DEXI: variants seen among roughly 807,000 people sequenced by gnomAD.
DEXI encodes Dexi homolog.
A neutral mutation model predicts 2.5 loss-of-function variants in DEXI; 2 were observed. The ratio of observed to expected loss-of-function variants is 0.81; its 90% CI spans 0.33 to 2.55. The LOEUF is 2.55. DEXI is among the 30% of genes most tolerant of loss of function. The pLI is 0.11. For synonymous variants in DEXI, 71 were observed against 68.7 expected, an observed-to-expected ratio of 1.03 and a Z score of -0.17; for missense variants, 108 against 130.3, an observed-to-expected ratio of 0.83 and a Z score of 0.83.
rs2041104678 is a variant in DEXI, at chr16:10,941,707, C to T, written c.*11G>A. ...GATCGTGTAGGGAAGAGGGGAACAG[C>T]AGTCGAGACCCTACTCCAAGTACGC... is the stretch of plus-strand genomic sequence containing the variant. On this transcript the variant is annotated 3_prime_UTR_variant, in exon 1 of 2. Coordinates refer to ENST00000331808, the MANE Select transcript of DEXI (RefSeq NM_014015.4). This position sits in a 1 kb window ranked among gnomAD's most constrained non-coding sequence, Gnocchi z 6.4. 3 of 1,596,624 alleles carry T rather than the reference C, an allele frequency of 1.9e-6. No individual in the cohort carries two copies. The highest frequency in any genetic ancestry group is 2.6e-6 in the Non-Finnish European group (3 of 1,170,488).
Position 10,941,900 on chromosome 16 carries a change from C to T in DEXI, c.106G>A (p.Val36Ile). ...PSMFYVGLFF[V>I]NVLILYYAFL... ...GCGTAGTACAGGATCAGCACATTGA[C>T]GAAGAACAGGCCCACGTAGAACATA... is the stretch of plus-strand genomic sequence containing the variant. Residue 36 changes from valine (V) to isoleucine (I), a missense_variant, in exon 1 of 2, where the codon GTC becomes ATC. Physicochemically the swap from Val to Ile is conservative, Grantham distance 29 (BLOSUM62 3). Transcript: ENST00000331808. This position sits in a 1 kb window ranked among gnomAD's most constrained non-coding sequence, Gnocchi z 6.4. The T allele has an allele frequency of 6.2e-7, 1 of 1,609,284 alleles. No homozygotes were observed.
At chr16:10,936,121 A>T (rs148069744) in intron 1 of DEXI, 1,843 of 152,174 alleles carry the variant, frequency 0.012, 18 homozygotes, top group Non-Finnish European at 0.02. Flanking sequence ...CTTCCGAGTA[A>T]CTGGGACTAT....
In DEXI at chr16:10,941,221, T is replaced by A. The variant is rs1803802752; in HGVS notation, c.*149+348A>T. On this transcript the variant is annotated intron_variant, in intron 1 of 1. Transcript: ENST00000331808. The surrounding 1 kb of genome is among the most constrained non-coding windows in gnomAD (Gnocchi z 6.4). ...AATCCCCCAAAAGCCAAGGTCATCATCAAGCCAGGATGAGGACTGGAGGAG... is the reference window on the plus strand; with the variant it reads ...AATCCCCCAAAAGCCAAGGTCATCAACAAGCCAGGATGAGGACTGGAGGAG... 6.4e-6 allele frequency: 1 copy of A among 155,782 alleles called. No individual in the cohort carries two copies. Among genetic ancestry groups the A allele is most frequent in the African/African-American group, 2.4e-5 (1 of 41,482 alleles). The allele number at this position is 155,782 out of a possible 1,614,324, so 9.6% of individuals were successfully genotyped here. A position where few individuals can be genotyped will look rare whatever the true frequency, so the allele number is the denominator to read the frequency against.
chr16:10,929,674 G>T lies in DEXI; in HGVS notation c.*150-115C>A. 3.8e-6 allele frequency: 2 copies of T among 531,394 alleles called. No homozygotes were observed. The highest frequency in any genetic ancestry group is 4.8e-6 in the Non-Finnish European group (2 of 414,970). The allele number at this position is 531,394 out of a possible 1,614,324, so 32.9% of individuals were successfully genotyped here. Reference sequence around the variant, plus strand: ...GGGAGGCTTGGGGTGGGGCAGGGAAGTCTTCCTCCATCCCTCAAATTTAGG... The same window carrying T: ...GGGAGGCTTGGGGTGGGGCAGGGAATTCTTCCTCCATCCCTCAAATTTAGG... On this transcript the variant is annotated intron_variant, in intron 1 of 1. Coordinates refer to ENST00000331808, the MANE Select transcript of DEXI (RefSeq NM_014015.4). This position sits in a 1 kb window ranked among gnomAD's most constrained non-coding sequence, Gnocchi z 4.3.
At chr16:10,933,142 T>C (rs1213713604) in intron 1 of DEXI, 1 of 152,264 alleles carries the variant, frequency 6.6e-6, no homozygotes, top group Non-Finnish European at 1.5e-5. Context: ...ACTAGATTTT[T>C]TTCCCCCTTT....
rs1238225115 is a variant in DEXI at position 10,939,123 on chromosome 16, C to A, written c.*149+2446G>T. ...TGCAAAGGGCCTAGACACAGGAGTG[C>A]GATACAATCAATGCTCAGTACAGAT... is the stretch of plus-strand genomic sequence containing the variant. On this transcript the variant is annotated intron_variant, in intron 1 of 1. Transcript: ENST00000331808. This position sits in a 1 kb window ranked among gnomAD's most constrained non-coding sequence, Gnocchi z 4.9. The A allele has an allele frequency of 6.6e-6, 1 of 152,118 alleles. No individual in the cohort carries two copies. The highest frequency in any genetic ancestry group is 1.5e-5 in the Non-Finnish European group (1 of 68,030). The allele number at this position is 152,118 out of a possible 1,614,324, so 9.4% of individuals were successfully genotyped here. A position where few individuals can be genotyped will look rare whatever the true frequency, so the allele number is the denominator to read the frequency against.
At position 10,934,304 on chromosome 16, in the gene DEXI, A is replaced by T. The variant is rs1244987755; in HGVS notation, c.*150-4745T>A. 6.6e-6 allele frequency: 1 copy of T among 152,258 alleles called. No homozygotes were observed. 9.4% of individuals were successfully genotyped at this position (152,258 alleles called of 1,614,324 possible). A position where few individuals can be genotyped will look rare whatever the true frequency, so the allele number is the denominator to read the frequency against. ...TTAATAAGATCATTTATGTCACCAT[A>T]TAACACCCAAAGCAGTAGAATTTGT... On this transcript the variant is annotated intron_variant, in intron 1 of 1. Coordinates refer to ENST00000331808, the MANE Select transcript of DEXI (RefSeq NM_014015.4). This position sits in a 1 kb window ranked among gnomAD's most constrained non-coding sequence, Gnocchi z 4.2.
intron 1 of DEXI, chr16:10,935,682 C>G (rs965163648): frequency 1.3e-5 from 2 of 152,200 alleles, no homozygotes; most frequent in African/African-American, 4.8e-5. Context: ...AGAAAGGGGA[C>G]AGATGGCATG....
chr16:10,933,994 G>A (rs2040912001), intron 1 of DEXI: 1 of 152,218 alleles, frequency 6.6e-6, no homozygotes, highest in East Asian at 1.9e-4. Context: ...TCTCTGCACA[G>A]GTCCATGTCC....
Position 10,938,883 on chromosome 16 carries a change from T to C in DEXI, c.*149+2686A>G, listed in dbSNP as rs1379982962. 1 of 152,250 alleles carries C rather than the reference T, an allele frequency of 6.6e-6. No homozygotes were observed. Among genetic ancestry groups the C allele is most frequent in the Non-Finnish European group, 1.5e-5 (1 of 68,044 alleles). The allele number at this position is 152,250 out of a possible 1,614,324, so 9.4% of individuals were successfully genotyped here. ...GTCGAAGCATTTGGGATTCAGTTTTTAGTTCAGAATATGCCAATGTTTTCA... is the reference window on the plus strand; with the variant it reads ...GTCGAAGCATTTGGGATTCAGTTTTCAGTTCAGAATATGCCAATGTTTTCA... On this transcript the variant is annotated intron_variant, in intron 1 of 1. Transcript: ENST00000331808. This position sits in a 1 kb window ranked among gnomAD's most constrained non-coding sequence, Gnocchi z 4.9.
chr16:10,942,378 C>A lies in DEXI; in HGVS notation c.-373G>T. On this transcript the variant is annotated 5_prime_UTR_variant, in exon 1 of 2. Coordinates refer to ENST00000331808, the MANE Select transcript of DEXI (RefSeq NM_014015.4). The surrounding 1 kb of genome is among the most constrained non-coding windows in gnomAD (Gnocchi z 5.0). The stretch of plus-strand genomic sequence containing the variant: ...CCGGTCCCGGCAGCCTTCTCTCCCG[C>A]CCCGCCCCGCAGGTCCTCGCGCACC... 1 of 175,766 alleles carries A rather than the reference C, an allele frequency of 5.7e-6. No individual in the cohort carries two copies. The highest frequency in any genetic ancestry group is 1.2e-5 in the Non-Finnish European group (1 of 82,884). 10.9% of individuals were successfully genotyped at this position (175,766 alleles called of 1,614,324 possible). A position where few individuals can be genotyped will look rare whatever the true frequency, so the allele number is the denominator to read the frequency against.
In DEXI at chr16:10,934,272, C is replaced by G. The variant is rs2040927745; in HGVS notation, c.*150-4713G>C. ...TTAAACCAATGTACTTTTTAAACTCCAATTTTTTAATAAGATCATTTATGT... is the reference window on the plus strand; with the variant it reads ...TTAAACCAATGTACTTTTTAAACTCGAATTTTTTAATAAGATCATTTATGT... On this transcript the variant is annotated intron_variant, in intron 1 of 1. Coordinates refer to ENST00000331808, the MANE Select transcript of DEXI (RefSeq NM_014015.4). The surrounding 1 kb of genome is among the most constrained non-coding windows in gnomAD (Gnocchi z 4.2). The G allele has an allele frequency of 6.6e-6, 1 of 152,150 alleles. No individual in the cohort carries two copies. The highest frequency in any genetic ancestry group is 1.5e-5 in the Non-Finnish European group (1 of 68,042). 9.4% of individuals were successfully genotyped at this position (152,150 alleles called of 1,614,324 possible).
rs1175569503 is a variant in DEXI, at chr16:10,929,297, T to C, written c.*412A>G. ...CCGAAGGTGAAGTGGGGGAAGCAGG[T>C]GCGCTCCGGGATGAAGTGCAGGGAG... On this transcript the variant is annotated 3_prime_UTR_variant, in exon 2 of 2. Coordinates refer to ENST00000331808, the MANE Select transcript of DEXI (RefSeq NM_014015.4). This position sits in a 1 kb window ranked among gnomAD's most constrained non-coding sequence, Gnocchi z 4.3. 2.0e-6 allele frequency: 2 copies of C among 985,938 alleles called. No homozygotes were observed. The highest frequency in any genetic ancestry group is 3.5e-5 in the African/African-American group (2 of 57,364). The allele number at this position is 985,938 out of a possible 1,614,324, so 61.1% of individuals were successfully genotyped here. A position where few individuals can be genotyped will look rare whatever the true frequency, so the allele number is the denominator to read the frequency against.
rs775456380 is a variant in DEXI at position 10,942,015 on chromosome 16, G to T, written c.-10C>A. 11 of 1,426,200 alleles carry T rather than the reference G, an allele frequency of 7.7e-6. No homozygotes were observed. Among genetic ancestry groups the T allele is most frequent in the Non-Finnish European group, 1.0e-5 (11 of 1,089,402 alleles). The allele number at this position is 1,426,200 out of a possible 1,614,324, so 88.3% of individuals were successfully genotyped here. Reference sequence around the variant, plus strand: ...CCCGGGCGCCGAGCATGCAGCGGGTGGCAAGGGCGGCGGCCCGGCGATCCC... The same window carrying T: ...CCCGGGCGCCGAGCATGCAGCGGGTTGCAAGGGCGGCGGCCCGGCGATCCC... On this transcript the variant is annotated 5_prime_UTR_variant, in exon 1 of 2. Coordinates refer to ENST00000331808, the MANE Select transcript of DEXI (RefSeq NM_014015.4). The surrounding 1 kb of genome is among the most constrained non-coding windows in gnomAD (Gnocchi z 5.0).
chr16:10,941,697 A>C lies in DEXI; in HGVS notation c.*21T>G. 12 of 1,587,830 alleles carry C rather than the reference A, an allele frequency of 7.6e-6. No homozygotes were observed. Among genetic ancestry groups the C allele is most frequent in the Non-Finnish European group, 1.0e-5 (12 of 1,166,234 alleles). Reference sequence around the variant, plus strand: ...ATGGGTTGCGGATCGTGTAGGGAAGAGGGGAACAGCAGTCGAGACCCTACT... The same window carrying C: ...ATGGGTTGCGGATCGTGTAGGGAAGCGGGGAACAGCAGTCGAGACCCTACT... On this transcript the variant is annotated 3_prime_UTR_variant, in exon 1 of 2. Coordinates refer to ENST00000331808, the MANE Select transcript of DEXI (RefSeq NM_014015.4). The surrounding 1 kb of genome is among the most constrained non-coding windows in gnomAD (Gnocchi z 6.4).
At chr16:10,935,816 C>A (rs899141037) in intron 1 of DEXI, 1 of 152,140 alleles carries the variant, frequency 6.6e-6, no homozygotes, top group Non-Finnish European at 1.5e-5. Context: ...AGACAGTTTA[C>A]AAAACACCAG....
chr16:10,934,013 A>G lies in DEXI; in HGVS notation c.*150-4454T>C, dbSNP rs1398009595. ...TGCACAGGTCCATGTCCCTGAGGAA[A>G]GCCAACGTCACAGAGAAATGATGAC... On this transcript the variant is annotated intron_variant, in intron 1 of 1. Transcript: ENST00000331808. The surrounding 1 kb of genome is among the most constrained non-coding windows in gnomAD (Gnocchi z 4.2). The G allele has an allele frequency of 6.6e-6, 1 of 152,226 alleles. No individual in the cohort carries two copies. Among genetic ancestry groups the G allele is most frequent in the Non-Finnish European group, 1.5e-5 (1 of 68,050 alleles). 9.4% of individuals were successfully genotyped at this position (152,226 alleles called of 1,614,324 possible). A position where few individuals can be genotyped will look rare whatever the true frequency, so the allele number is the denominator to read the frequency against.
chr16:10,929,704 CA>C lies in DEXI; in HGVS notation c.*150-146del, dbSNP rs2040694922. On this transcript the variant is annotated intron_variant, in intron 1 of 1. Transcript: ENST00000331808. The surrounding 1 kb of genome is among the most constrained non-coding windows in gnomAD (Gnocchi z 4.3). ...CCTCCATCCCTCAAATTTAGGGAAC[CA>C]CTGGGAGCCCCAGACTCAGGCTGAA... 4.0e-6 allele frequency: 1 copy of C among 252,220 alleles called. No individual in the cohort carries two copies. Among genetic ancestry groups the C allele is most frequent in the East Asian group, 1.8e-4 (1 of 5,554 alleles). The allele number at this position is 252,220 out of a possible 1,614,324, so 15.6% of individuals were successfully genotyped here.
Position 10,942,249 on chromosome 16 carries a change from C to G in DEXI, c.-244G>C, listed in dbSNP as rs1287857697. The G allele has an allele frequency of 2.7e-6, 1 of 367,876 alleles. No individual in the cohort carries two copies. The highest frequency in any genetic ancestry group is 4.9e-6 in the Non-Finnish European group (1 of 204,852). The allele number at this position is 367,876 out of a possible 1,614,324, so 22.8% of individuals were successfully genotyped here. The stretch of plus-strand genomic sequence containing the variant: ...ACCGCCCGGGCGGCGAGGCGGGCCC[C>G]CCTGAAGTGGCCCGCGGCTGCCCGG... On this transcript the variant is annotated 5_prime_UTR_variant, in exon 1 of 2. Coordinates refer to ENST00000331808, the MANE Select transcript of DEXI (RefSeq NM_014015.4). The surrounding 1 kb of genome is among the most constrained non-coding windows in gnomAD (Gnocchi z 5.0).
Sources: allele counts gnomAD v4.1 joint callset, GRCh38; gene constraint gnomAD v4.1.1; non-coding constraint Gnocchi (gnomAD v3.1); transcripts MANE v1.5; gene names NCBI Gene and HGNC (gene_info 2026-07-23, HGNC 2026-07-21).